WNT5A: variants seen among roughly 807,000 people sequenced by gnomAD.
WNT5A encodes the protein Wnt family member 5A.
Under a neutral mutation model 42.1 loss-of-function variants are expected in WNT5A, and 9 were observed. That is an observed-to-expected ratio of 0.21 (90% CI 0.13 to 0.37). The LOEUF (loss-of-function observed/expected upper bound fraction) is 0.37, where lower values mean the gene tolerates loss of function less well. Among genes scored for constraint, WNT5A ranks in the 10% least tolerant of loss-of-function variants. WNT5A has a pLI of 1.00. For missense variants in WNT5A, 426 were observed against 534.0 expected, an observed-to-expected ratio of 0.80 and a Z score of 1.99; for synonymous variants, 210 against 210.0, an observed-to-expected ratio of 1.00 and a Z score of 0.00.
At chr3:55,494,898 C>G (rs149821238), upstream of WNT5A, among the ~76,000 whole-genome samples, 45 of 152,290 alleles carry the variant, frequency 3.0e-4, no homozygotes, top group East Asian at 5.8e-3. Flanking sequence ...TAAGAAGCAA[C>G]AAACAGTCCT....
the WNT5A span, among the ~76,000 whole-genome samples, chr3:55,496,934 T>C: frequency 3.1e-4 from 47 of 152,260 alleles, no homozygotes; most frequent in Non-Finnish European, 4.6e-4. Flanking sequence ...TGATACGCTA[T>C]GCATTCATTC....
chr3:55,499,378 G>C, the WNT5A span, among the ~76,000 whole-genome samples: 5 of 152,320 alleles, frequency 3.3e-5, no homozygotes, highest in African/African-American at 1.2e-4. Flanking sequence ...AAGACAGTAG[G>C]TGAGGAGTTT....
rs147457967 is a variant in WNT5A at position 55,468,461 on chromosome 3, G to A, written c.*1631C>T. 3.4e-4 allele frequency: 51 copies of A among 152,034 alleles called. No homozygotes were observed. Among genetic ancestry groups the A allele is most frequent in the African/African-American group, 1.1e-3 (46 of 41,490 alleles). 9.4% of individuals were successfully genotyped at this position (152,034 alleles called of 1,614,324 possible). A position where few individuals can be genotyped will look rare whatever the true frequency, so the allele number is the denominator to read the frequency against. Reference sequence around the variant, plus strand: ...GCTTCCTCAGAAACAAGGTTGCTTCGTCGTGCTCAAGGTATGATCACAGCA... The same window carrying A: ...GCTTCCTCAGAAACAAGGTTGCTTCATCGTGCTCAAGGTATGATCACAGCA... On this transcript the variant is annotated 3_prime_UTR_variant, in exon 5 of 5. Coordinates refer to ENST00000264634, the MANE Select transcript of WNT5A (RefSeq NM_003392.7).
Position 55,474,272 on chromosome 3 carries a change from C to T in WNT5A, c.684+65G>A, listed in dbSNP as rs898721913. On this transcript the variant is annotated intron_variant, in intron 4 of 4. Coordinates refer to ENST00000264634, the MANE Select transcript of WNT5A (RefSeq NM_003392.7). ...GAGGACGGAGCTACAGGGAGAGACC[C>T]GAGGAGGCTGGAGGGCAAGGTGAGA... The T allele has an allele frequency of 2.5e-6, 4 of 1,600,012 alleles. No homozygotes were observed. The African/African-American group carries it at 5.4e-5, about 21-fold the overall frequency.
the WNT5A span, among the ~76,000 whole-genome samples, chr3:55,496,308 G>T: frequency 6.6e-6 from 1 of 152,114 alleles, no homozygotes; most frequent in Non-Finnish European, 1.5e-5. Context: ...GTCCATTAAG[G>T]TCAAATGACA....
rs1274919703 is a variant in WNT5A at position 55,469,527 on chromosome 3, T to G, written c.*565A>C. The G allele has an allele frequency of 6.5e-6, 1 of 152,682 alleles. No homozygotes were observed. The highest frequency in any genetic ancestry group is 1.5e-5 in the Non-Finnish European group (1 of 68,442). The allele number at this position is 152,682 out of a possible 1,614,324, so 9.5% of individuals were successfully genotyped here. A position where few individuals can be genotyped will look rare whatever the true frequency, so the allele number is the denominator to read the frequency against. On this transcript the variant is annotated 3_prime_UTR_variant, in exon 5 of 5. Transcript: ENST00000264634. ...GAATATGACATTCTTGTCCTTCCAT[T>G]GTAAATTATCATTTTGAAAATGCAG...
upstream of WNT5A, chr3:55,489,323 A>ACT (rs1491344250): frequency 2.4e-4 from 35 of 147,308 alleles, no homozygotes; most frequent in African/African-American, 8.6e-4. Context: ...ACACACACAC[A>ACT]CTATTCAATT....
At chr3:55,484,724 ACACACAC>A (rs1303605689) in intron 1 of WNT5A, among the ~76,000 whole-genome samples, 1 of 113,804 alleles carries the variant, frequency 8.8e-6, no homozygotes, top group Non-Finnish European at 1.8e-5. Context: ...ACACACACAC[ACACACAC>A]ACCACTCACA....
At chr3:55,500,667 A>G in the WNT5A span, among the ~76,000 whole-genome samples, 1 of 152,334 alleles carries the variant, frequency 6.6e-6, no homozygotes, top group Non-Finnish European at 1.5e-5. Flanking sequence ...ACTGAAGTAG[A>G]AATATTCTGA....
At chr3:55,497,805 G>A in the WNT5A span, among the ~76,000 whole-genome samples, 1 of 152,166 alleles carries the variant, frequency 6.6e-6, no homozygotes, top group Non-Finnish European at 1.5e-5. Flanking sequence ...AGAAAAATAT[G>A]AGGAGAGATG....
chr3:55,475,227 G>T (rs779311839), intron 3 of WNT5A, among the ~76,000 whole-genome samples: 4 of 152,212 alleles, frequency 2.6e-5, no homozygotes, highest in Non-Finnish European at 5.9e-5. Flanking sequence ...GGAACACTCA[G>T]AATATGGGTA....
intron 1 of WNT5A, among the ~76,000 whole-genome samples, chr3:55,485,753 G>C (rs1450973862): frequency 6.6e-6 from 1 of 152,134 alleles, no homozygotes; most frequent in Non-Finnish European, 1.5e-5. Context: ...AAAGAGAGAA[G>C]AGAGAAAAGA....
At chr3:55,502,529 A>G in the WNT5A span, among the ~76,000 whole-genome samples, 1 of 152,192 alleles carries the variant, frequency 6.6e-6, no homozygotes, top group Non-Finnish European at 1.5e-5. Context: ...TTGGGACCCA[A>G]ATCTGACACC....
the WNT5A span, among the ~76,000 whole-genome samples, chr3:55,499,770 T>C: frequency 6.6e-6 from 1 of 151,900 alleles, no homozygotes; most frequent in African/African-American, 2.4e-5. Flanking sequence ...AGGTCAGGAG[T>C]TCGAGACCAG....
At chr3:55,473,445 T>C (rs1368654161) in intron 4 of WNT5A, among the ~76,000 whole-genome samples, 1 of 152,190 alleles carries the variant, frequency 6.6e-6, no homozygotes, top group Non-Finnish European at 1.5e-5. Flanking sequence ...AGCCATAAAG[T>C]GCCATGTGTT....
rs370383438 is a variant in WNT5A, at chr3:55,480,912, T to A, written c.13A>T (p.Ile5Phe). ...GCAACTCCTGGGCTTAATATTCCAA[T>A]GGACTTCTGGAGAGGGAAGAAAGGA... The part of the protein sequence containing the change: MKKS[I>F]GILSPGVALG... Residue 5 changes from isoleucine to phenylalanine, a missense_variant, in exon 2 of 5, where the codon ATT becomes TTT. By Grantham distance (21) the Ile-to-Phe change is conservative (BLOSUM62 0). This residue lies in a region of WNT5A where 62 missense variants were observed against 49.0 expected (regional missense o/e 1.26). Coordinates refer to ENST00000264634, the MANE Select transcript of WNT5A (RefSeq NM_003392.7). 2 of 1,549,646 alleles carry A rather than the reference T, an allele frequency of 1.3e-6. No individual in the cohort carries two copies. The highest frequency in any genetic ancestry group is 1.4e-5 in the African/African-American group (1 of 72,672).
intron 2 of WNT5A, among the ~76,000 whole-genome samples, chr3:55,480,570 G>A (rs2106952957): frequency 6.6e-6 from 1 of 152,030 alleles, no homozygotes; most frequent in Non-Finnish European, 1.5e-5. Context: ...TAGATTTATA[G>A]TTTCCCATTC....
rs752083941 is a variant in WNT5A, at chr3:55,480,831, T to C, written c.94A>G (p.Ile32Val). The part of the protein sequence containing the change: ...SSKFFLVALA[I>V]FFSFAQVVIE... ...ACAACCTGGGCGAAGGAGAAAAATA[T>C]GGCCAAAGCCACTAGGAAGAACTTG... The change falls in exon 2 of 5, where the codon ATA becomes GTA. Residue 32 changes from isoleucine (I) to valine (V), a missense_variant. Ile to Val is a conservative substitution (Grantham distance 29, BLOSUM62 3). Transcript: ENST00000264634. 8.8e-6 allele frequency: 14 copies of C among 1,582,006 alleles called. 1 individual carries two copies. The African/African-American group carries it at 1.1e-4, about 12-fold the overall frequency.
rs1191346500 is a variant in WNT5A, at chr3:55,467,824, C to A, written c.*2268G>T. 2 of 152,076 alleles carry A rather than the reference C, an allele frequency of 1.3e-5. No individual in the cohort carries two copies. The highest frequency in any genetic ancestry group is 4.8e-5 in the African/African-American group (2 of 41,406). The allele number at this position is 152,076 out of a possible 1,614,324, so 9.4% of individuals were successfully genotyped here. On this transcript the variant is annotated 3_prime_UTR_variant, in exon 5 of 5. Coordinates refer to ENST00000264634, the MANE Select transcript of WNT5A (RefSeq NM_003392.7). ...CAACTCTCTTCATAAACATGAGTCA[C>A]TAAAAAGGAACAATCTGATTTAGCA...
Sources: allele counts gnomAD v4.1 joint callset (sites outside exome capture counted in the v4.1 genomes callset), GRCh38; gene constraint gnomAD v4.1.1; regional missense constraint gnomAD v4.1.1; transcripts MANE v1.5; gene names NCBI Gene and HGNC (gene_info 2026-07-23, HGNC 2026-07-21).